FHIT: variants seen among roughly 807,000 people sequenced by gnomAD.
FHIT encodes the protein bis(5'-adenosyl)-triphosphatase.
Under a neutral mutation model 17.9 loss-of-function variants are expected in FHIT, and 19 were observed. That is an observed-to-expected ratio of 1.06 (90% CI 0.74 to 1.56). The LOEUF (loss-of-function observed/expected upper bound fraction) is 1.56. FHIT is among the 40% of genes most tolerant of loss of function. FHIT has a pLI of 0.00. For synonymous variants in FHIT, 81 were observed against 69.7 expected, an observed-to-expected ratio of 1.16 and a Z score of -0.81; for missense variants, 248 against 189.2, an observed-to-expected ratio of 1.31 and a Z score of -1.82.
chr3:60,296,069 T>A (rs1397367887), intron 5 of FHIT, among the ~76,000 whole-genome samples: 2 of 152,142 alleles, frequency 1.3e-5, no homozygotes, highest in Non-Finnish European at 2.9e-5. Flanking sequence ...CCTCCTTTCA[T>A]GTAAGATGTG....
At chr3:60,863,304 T>C (rs1450235731) in intron 3 of FHIT, among the ~76,000 whole-genome samples, 1 of 152,138 alleles carries the variant, frequency 6.6e-6, no homozygotes, top group African/African-American at 2.4e-5. Flanking sequence ...AGTTTGGAAG[T>C]TGGTTTTTCT....
intron 4 of FHIT, among the ~76,000 whole-genome samples, chr3:60,672,989 A>C (rs1553694408): frequency 6.6e-6 from 1 of 151,548 alleles, no homozygotes; most frequent in East Asian, 1.9e-4. Context: ...TCTCATGTAA[A>C]ATATAAGAAC....
intron 5 of FHIT, among the ~76,000 whole-genome samples, chr3:60,131,098 T>C (rs1212472771): frequency 8.5e-6 from 1 of 117,898 alleles, no homozygotes; most frequent in Non-Finnish European, 1.8e-5. Flanking sequence ...TACACATATA[T>C]ACACACAAAC....
intron 2 of FHIT, among the ~76,000 whole-genome samples, chr3:61,161,409 A>G (rs573188547): frequency 1.3e-5 from 2 of 152,166 alleles, no homozygotes; most frequent in East Asian, 3.9e-4. Context: ...TCACCATGTT[A>G]GCCAGGATGG....
intron 3 of FHIT, among the ~76,000 whole-genome samples, chr3:60,841,367 T>A (rs1415307454): frequency 1.3e-5 from 2 of 152,204 alleles, no homozygotes; most frequent in African/African-American, 4.8e-5. Context: ...GTAATTACAC[T>A]AGACAAGGGA....
At chr3:60,833,550 T>C (rs1193352959) in intron 3 of FHIT, among the ~76,000 whole-genome samples, 1 of 152,196 alleles carries the variant, frequency 6.6e-6, no homozygotes, top group Non-Finnish European at 1.5e-5. Context: ...TTTTTGTTCA[T>C]ATTCCCCTCC....
chr3:60,616,419 TGATTC>T (rs1183265429), intron 4 of FHIT, among the ~76,000 whole-genome samples: 4 of 152,118 alleles, frequency 2.6e-5, no homozygotes, highest in African/African-American at 9.7e-5. Flanking sequence ...CCATACTCTT[TGATTC>T]TTTTTTAAAA....
intron 5 of FHIT, among the ~76,000 whole-genome samples, chr3:60,034,736 A>C (rs1210395481): frequency 6.6e-6 from 1 of 152,236 alleles, no homozygotes; most frequent in African/African-American, 2.4e-5. Context: ...ATGTGACCTT[A>C]TTCTATTCAA....
chr3:61,218,560 G>A (rs79902368), intron 1 of FHIT, among the ~76,000 whole-genome samples: 6,301 of 152,156 alleles, frequency 0.041, 211 homozygotes, highest in Non-Finnish European at 0.061. Context: ...TTTTTAAACA[G>A]AAAAAAGGCC....
chr3:60,305,155 T>C (rs1223822436), intron 5 of FHIT, among the ~76,000 whole-genome samples: 1 of 152,056 alleles, frequency 6.6e-6, no homozygotes, highest in African/African-American at 2.4e-5. Flanking sequence ...TTTTATAACA[T>C]GGGACCTGTT....
At chr3:60,835,267 C>T (rs1457694348) in intron 3 of FHIT, among the ~76,000 whole-genome samples, 3 of 151,916 alleles carry the variant, frequency 2.0e-5, no homozygotes, top group Admixed American at 2.0e-4. Flanking sequence ...AAAAATCATA[C>T]TGAGATTTTT....
chr3:61,205,424 T>G (rs2039191605), intron 1 of FHIT, among the ~76,000 whole-genome samples: 1 of 152,172 alleles, frequency 6.6e-6, no homozygotes, highest in African/African-American at 2.4e-5. Flanking sequence ...TTGAACTAGT[T>G]TACAGTCCCA....
At chr3:60,217,586 T>C (rs1382761371) in intron 5 of FHIT, among the ~76,000 whole-genome samples, 4 of 152,192 alleles carry the variant, frequency 2.6e-5, no homozygotes, top group Non-Finnish European at 4.4e-5. Context: ...CCCTTCCTTG[T>C]AGAATAAAAC....
chr3:60,555,104 T>C (rs1357249345), intron 4 of FHIT, among the ~76,000 whole-genome samples: 4 of 152,242 alleles, frequency 2.6e-5, no homozygotes, highest in Non-Finnish European at 5.9e-5. Flanking sequence ...ATAATGCACA[T>C]CTTCCTTCAA....
At chr3:61,122,021 G>T (rs1405440446) in intron 2 of FHIT, among the ~76,000 whole-genome samples, 1 of 152,160 alleles carries the variant, frequency 6.6e-6, no homozygotes, top group African/African-American at 2.4e-5. Flanking sequence ...GATGCAACAA[G>T]AAAAGCTAAC....
chr3:60,492,991 G>T (rs1344335615), intron 5 of FHIT, among the ~76,000 whole-genome samples: 1 of 152,026 alleles, frequency 6.6e-6, no homozygotes, highest in African/African-American at 2.4e-5. Flanking sequence ...AATAAAACAG[G>T]ACACAGTACA....
At chr3:60,610,110 T>A (rs570572932) in intron 4 of FHIT, among the ~76,000 whole-genome samples, 1 of 152,290 alleles carries the variant, frequency 6.6e-6, no homozygotes, top group South Asian at 2.1e-4. Flanking sequence ...AGTTTTATTC[T>A]GCTTGTGTCA....
chr3:59,747,679 C>G lies in FHIT; in HGVS notation c.*1906G>C, dbSNP rs1406260276. On this transcript the variant is annotated 3_prime_UTR_variant, in exon 10 of 10. Coordinates refer to ENST00000492590, the MANE Select transcript of FHIT (RefSeq NM_002012.4). ...GCAACCTGTTGGTTTTCAAGACAGA[C>G]TGTCGGCAAGCAAAATGTCAGAGGC... Among the ~76,000 whole-genome samples, 1 of 152,082 alleles carries G rather than the reference C, an allele frequency of 6.6e-6. No individual in the cohort carries two copies. The highest frequency in any genetic ancestry group is 1.9e-4 in the East Asian group (1 of 5,164).
intron 3 of FHIT, among the ~76,000 whole-genome samples, chr3:60,842,621 ATATGAGTGTATATATATATATATAT>A (rs1294999959): frequency 1.0e-4 from 11 of 108,996 alleles, no homozygotes; most frequent in African/African-American, 3.1e-4. Flanking sequence ...ATACATATAT[ATATGAGTGTATATATATATATATAT>A]TTTTTTTTTT....
Sources: gnomAD v4.1 joint callset for allele counts (sites outside exome capture counted in the v4.1 genomes callset) on GRCh38, gnomAD v4.1.1 for gene constraint, MANE v1.5 for transcripts, NCBI Gene and HGNC (gene_info 2026-07-23, HGNC 2026-07-21) for gene names.